The following MRPL28 variants were observed in gnomAD, a reference collection of about 807,000 sequenced individuals.
The protein encoded by MRPL28 is mitochondrial ribosomal protein L28.
Under a neutral mutation model 26.2 loss-of-function variants are expected in MRPL28, and 25 were observed. That is an observed-to-expected ratio of 0.95 (90% CI 0.69 to 1.33). MRPL28 has a LOEUF of 1.33. Ranked by LOEUF, MRPL28 falls within the 40% of genes most tolerant of loss-of-function variation. MRPL28 has a pLI of 0.00. For missense variants in MRPL28, 432 were observed against 327.2 expected, an observed-to-expected ratio of 1.32 and a Z score of -2.47; for synonymous variants, 227 against 140.1, an observed-to-expected ratio of 1.62 and a Z score of -4.38.
Position 367,487 on chromosome 16 carries a change from G to C in MRPL28, c.*188C>G. 1 of 716,796 alleles carries C rather than the reference G, an allele frequency of 1.4e-6. No homozygotes were observed. The highest frequency in any genetic ancestry group is 2.6e-6 in the Non-Finnish European group (1 of 386,846). The allele number at this position is 716,796 out of a possible 1,614,324, so 44.4% of individuals were successfully genotyped here. On this transcript the variant is annotated 3_prime_UTR_variant, in exon 6 of 6. Transcript: ENST00000199706. ...CCCAGCCTGAGAGGAGCCTCTGGGC[G>C]GCCCAGGCCTCCTGGGGATCCCTGC...
rs374245702 is a variant in MRPL28 at position 369,128 on chromosome 16, C to T, written c.381G>A (p.Val127=). The change falls in exon 3 of 6, where the codon GTG becomes GTA. Residue 127 remains valine (V), a synonymous_variant. Transcript: ENST00000199706. ...CGATGAGGTCCAGGGTCCGCATGGT[C>T]ACAGTCACTGTGAACTTCTTGTCCA... ...EILDKKFTVT[V]TMRTLDLIDE... 21 of 1,614,052 alleles carry T rather than the reference C, an allele frequency of 1.3e-5. No individual in the cohort carries two copies. The highest frequency in any genetic ancestry group is 1.6e-5 in the Non-Finnish European group (19 of 1,179,948).
In MRPL28 at chr16:367,249, C is replaced by T. The variant is rs990684508; in HGVS notation, c.*426G>A. On this transcript the variant is annotated 3_prime_UTR_variant, in exon 6 of 6. Transcript: ENST00000199706. ...AAACACAAAACACAGAATTGAACCTCGCTCTCTGCAGCTCACCGGGGGACG... is the reference window on the plus strand; with the variant it reads ...AAACACAAAACACAGAATTGAACCTTGCTCTCTGCAGCTCACCGGGGGACG... 52 of 559,944 alleles carry T rather than the reference C, an allele frequency of 9.3e-5. No individual in the cohort carries two copies. The highest frequency in any genetic ancestry group is 8.1e-4 in the African/African-American group (43 of 53,146). 34.7% of individuals were successfully genotyped at this position (559,944 alleles called of 1,614,324 possible). A position where few individuals can be genotyped will look rare whatever the true frequency, so the allele number is the denominator to read the frequency against.
intron 3 of MRPL28, 48 bp from the exon 4 acceptor site, chr16:368,683 C>G: frequency 4.0e-6 from 6 of 1,517,136 alleles, no homozygotes; most frequent in Non-Finnish European, 5.3e-6. Flanking sequence ...AGGGCCCCAC[C>G]TACCCTTCCA....
rs759534954 is a variant in MRPL28, at chr16:367,788, G to C, written c.664-6C>G. On this transcript the variant is annotated splice_polypyrimidine_tract_variant and splice_region_variant and intron_variant, in intron 5 of 5. Coordinates refer to ENST00000199706, the MANE Select transcript of MRPL28 (RefSeq NM_006428.5). ...TTGAACAGGGGTACAGGGTCCTGAA[G>C]GAGAGAGGGGCTCATGGTGAGGCCA... 6.2e-7 allele frequency: 1 copy of C among 1,612,226 alleles called. No individual in the cohort carries two copies. The highest frequency in any genetic ancestry group is 2.2e-5 in the East Asian group (1 of 44,876).
At chr16:367,850 G>A in intron 5 of MRPL28, 68 bp from the exon 6 acceptor site, 1 of 1,386,048 alleles carries the variant, frequency 7.2e-7, no homozygotes, top group Non-Finnish European at 1.0e-6. Flanking sequence ...GACGGGGATG[G>A]GATCAGCAGC....
In MRPL28 at chr16:367,765, G is replaced by T. The variant is rs1214426269; in HGVS notation, c.681C>A (p.Phe227Leu). ...GGATCAGCTCCGCCACATAGATCTT[G>T]AACAGGGGTACAGGGTCCTGAAGGA... ...LLEEKDPVPL[F>L]KIYVAELIQQ... Residue 227 changes from phenylalanine to leucine, a missense_variant, in exon 6 of 6, where the codon TTC becomes TTA. Phe to Leu is a conservative substitution (Grantham distance 22, BLOSUM62 0). Coordinates refer to ENST00000199706, the MANE Select transcript of MRPL28 (RefSeq NM_006428.5). 1.2e-6 allele frequency: 2 copies of T among 1,613,786 alleles called. No homozygotes were observed. Among genetic ancestry groups the T allele is most frequent in the South Asian group, 2.2e-5 (2 of 91,080 alleles).
At chr16:370,296 C>A in intron 1 of MRPL28, 71 bp from the exon 2 acceptor site, 1 of 1,409,660 alleles carries the variant, frequency 7.1e-7, no homozygotes, top group East Asian at 2.5e-5. Flanking sequence ...CCTACCCCGG[C>A]CCCCGACTCT....
Position 370,199 on chromosome 16 carries a change from G to T in MRPL28, c.20C>A (p.Pro7His). Residue 7 changes from proline (P) to histidine (H), a missense_variant, in exon 2 of 6, where the codon CCC (proline) becomes CAC (histidine). Physicochemically the swap from Pro to His is moderately conservative, Grantham distance 77 (BLOSUM62 -2). Coordinates refer to ENST00000199706, the MANE Select transcript of MRPL28 (RefSeq NM_006428.5). ...CTGCAGCCGCTTCCAGAGCCACACG[G>T]GATACTTGTGTAGAGGCATCGCGAG... MPLHKY[P>H]VWLWKRLQLR... 6.3e-7 allele frequency: 1 copy of T among 1,596,134 alleles called. No individual in the cohort carries two copies. Among genetic ancestry groups the T allele is most frequent in the South Asian group, 1.1e-5 (1 of 90,120 alleles).
chr16:369,593 C>A (rs1354205845), intron 2 of MRPL28: 3 of 717,498 alleles, frequency 4.2e-6, no homozygotes, highest in Non-Finnish European at 7.8e-6. Context: ...CCACAAGCAG[C>A]CTCGAAGCTC....
rs1414472453 is a variant in MRPL28, at chr16:369,215, G to A, written c.294C>T (p.Ser98=). 1.2e-6 allele frequency: 2 copies of A among 1,613,872 alleles called. No homozygotes were observed. The highest frequency in any genetic ancestry group is 2.2e-5 in the East Asian group (1 of 44,876). Residue 98 remains serine (S), a synonymous_variant, in exon 3 of 6, where the codon TCC becomes TCT. Coordinates refer to ENST00000199706, the MANE Select transcript of MRPL28 (RefSeq NM_006428.5). ...GQIYANNDKL[S]KRLKKVWKPQ... ...GCTTCCACACTTTCTTCAGCCTCTT[G>A]GAGAGCTGAGGGTGCAACAGAGCCT...
rs1332087974 is a variant in MRPL28, at chr16:368,362, T to G, written c.629A>C (p.Glu210Ala). The G allele has an allele frequency of 1.2e-6, 2 of 1,613,496 alleles. No individual in the cohort carries two copies. Among genetic ancestry groups the G allele is most frequent in the Non-Finnish European group, 1.7e-6 (2 of 1,179,882 alleles). The change falls in exon 5 of 6, where the codon GAG (glutamate) becomes GCG (alanine). Residue 210 changes from glutamate (E) to alanine (A), a missense_variant. Coordinates refer to ENST00000199706, the MANE Select transcript of MRPL28 (RefSeq NM_006428.5). ...CAAAAGTCTCTGCTTCTCAATGGCC[T>G]CCTCCAGCGTGAGGCCCACCCACTC... ...EAEWVGLTLEEAIEKQRLLEE... is the reference protein window; with the variant it reads ...EAEWVGLTLEAAIEKQRLLEE...
In MRPL28 at chr16:367,664, G is replaced by A. The variant is rs760807853; in HGVS notation, c.*11C>T. On this transcript the variant is annotated 3_prime_UTR_variant, in exon 6 of 6. Transcript: ENST00000199706. ...CTGGGCCTGTTGGTCAGGCATGGAG[G>A]AGCTGTGTGGTCACTGGCCACTGGC... 1.9e-6 allele frequency: 3 copies of A among 1,610,212 alleles called. No individual in the cohort carries two copies. The highest frequency in any genetic ancestry group is 2.2e-5 in the East Asian group (1 of 44,874).
In MRPL28 at chr16:368,645, G is replaced by A. The variant is rs780413187; in HGVS notation, c.442-10C>T. 51 of 1,538,950 alleles carry A rather than the reference G, an allele frequency of 3.3e-5. No individual in the cohort carries two copies. The highest frequency in any genetic ancestry group is 3.2e-5 in the Non-Finnish European group (36 of 1,142,046). ...GGTCCTCCTTCGGGGTCTGGCAGAAGGCTCACATGGGGCCAGGTGCTGGTG... is the reference window on the plus strand; with the variant it reads ...GGTCCTCCTTCGGGGTCTGGCAGAAAGCTCACATGGGGCCAGGTGCTGGTG... On this transcript the variant is annotated splice_polypyrimidine_tract_variant and intron_variant, in intron 3 of 5. Transcript: ENST00000199706.
Position 367,069 on chromosome 16 carries a change from T to C in MRPL28, c.*606A>G, listed in dbSNP as rs1356452521. Among the ~76,000 whole-genome samples, 1 of 152,058 alleles carries C rather than the reference T, an allele frequency of 6.6e-6. No individual in the cohort carries two copies. The highest frequency in any genetic ancestry group is 1.5e-5 in the Non-Finnish European group (1 of 67,990). ...CTAAAATACAATTAGCCATACATGATAGCGGGGTGCCTGTAATCCCAGCTA... is the reference window on the plus strand; with the variant it reads ...CTAAAATACAATTAGCCATACATGACAGCGGGGTGCCTGTAATCCCAGCTA... On this transcript the variant is annotated 3_prime_UTR_variant, in exon 6 of 6. Transcript: ENST00000199706.
Position 369,970 on chromosome 16 carries a change from C to T in MRPL28, c.249G>A (p.Glu83=), listed in dbSNP as rs1297273796. 2 of 1,612,534 alleles carry T rather than the reference C, an allele frequency of 1.2e-6. No homozygotes were observed. The highest frequency in any genetic ancestry group is 1.3e-5 in the African/African-American group (1 of 75,018). ...PESQRGLWGG[E]GWILGQIYAN... is the part of the protein sequence containing the mutation. Reference sequence around the variant, plus strand: ...CATATATTTGGCCCAGGATCCAGCCCTCGCCGCCCCACAACCCCCGCTGGG... The same window carrying T: ...CATATATTTGGCCCAGGATCCAGCCTTCGCCGCCCCACAACCCCCGCTGGG... Residue 83 remains glutamate (E), a synonymous_variant, in exon 2 of 6, where the codon GAG becomes GAA. Transcript: ENST00000199706.
At position 370,209 on chromosome 16, in the gene MRPL28, G is replaced by A. The variant is rs758669700; in HGVS notation, c.10C>T (p.His4Tyr). ...TTCCAGAGCCACACGGGATACTTGTGTAGAGGCATCGCGAGCCTGGCGGGA... is the reference window on the plus strand; with the variant it reads ...TTCCAGAGCCACACGGGATACTTGTATAGAGGCATCGCGAGCCTGGCGGGA... Reference protein sequence around the residue: MPLHKYPVWLWKRL... With the variant: MPLYKYPVWLWKRL... Residue 4 changes from histidine to tyrosine, a missense_variant, in exon 2 of 6, where the codon CAC becomes TAC. By Grantham distance (83) the His-to-Tyr change is moderately conservative. Coordinates refer to ENST00000199706, the MANE Select transcript of MRPL28 (RefSeq NM_006428.5). 27 of 1,584,704 alleles carry A rather than the reference G, an allele frequency of 1.7e-5. No homozygotes were observed. In the South Asian group the frequency reaches 2.8e-4, roughly 16 times the overall value.
intron 3 of MRPL28, 99 bp downstream of exon 3, chr16:368,969 A>G (rs2054288719): frequency 7.1e-7 from 1 of 1,414,910 alleles, no homozygotes; most frequent in East Asian, 2.4e-5. Context: ...TCCTGTGCAG[A>G]TGTCAGCGTG....
chr16:369,276 G>T, intron 2 of MRPL28, 56 bp from the exon 3 acceptor site: 1 of 1,438,222 alleles, frequency 7.0e-7, no homozygotes, highest in Non-Finnish European at 9.1e-7. Context: ...CATACCAAGG[G>T]GGGCCCAGGC....
rs1567320172 is a variant in MRPL28 at position 370,119 on chromosome 16, C to G, written c.100G>C (p.Glu34Gln). The part of the protein sequence containing the change: ...LPGHYLRSLE[E>Q]ERTPTPVHYR... ...TGCACGGGAGTGGGCGTCCGCTCCTCCTCCAGGGAGCGCAGGTAGTGGCCG... is the reference window on the plus strand; with the variant it reads ...TGCACGGGAGTGGGCGTCCGCTCCTGCTCCAGGGAGCGCAGGTAGTGGCCG... Residue 34 changes from glutamate (E) to glutamine (Q), a missense_variant, in exon 2 of 6, where the codon GAG (glutamate) becomes CAG (glutamine). Coordinates refer to ENST00000199706, the MANE Select transcript of MRPL28 (RefSeq NM_006428.5). 6.2e-7 allele frequency: 1 copy of G among 1,609,004 alleles called. No homozygotes were observed. Among genetic ancestry groups the G allele is most frequent in the African/African-American group, 1.3e-5 (1 of 74,798 alleles).
Sources: gnomAD v4.1 joint callset for allele counts (sites outside exome capture counted in the v4.1 genomes callset) on GRCh38, gnomAD v4.1.1 for gene constraint, MANE v1.5 for transcripts, NCBI Gene and HGNC (gene_info 2026-07-23, HGNC 2026-07-21) for gene names.